The following ADAMTSL1 variants were observed in gnomAD, a reference collection of about 807,000 sequenced individuals.
The protein encoded by ADAMTSL1 is ADAMTS-like protein 1.
ADAMTSL1 carries 126 observed loss-of-function variants against 201.8 expected under a neutral mutation model. That is an observed-to-expected ratio of 0.62 (90% confidence interval 0.54 to 0.72). The LOEUF (loss-of-function observed/expected upper bound fraction) is 0.72, where lower values mean the gene tolerates loss of function less well. Ranked by LOEUF, ADAMTSL1 falls within the 30% of genes least tolerant of loss-of-function variation. The probability of loss-of-function intolerance (pLI) is 0.00; values close to 1 mark genes in which losing one functional copy is unlikely to be tolerated. For missense variants in ADAMTSL1, 2,679 were observed against 2,277.8 expected, an observed-to-expected ratio of 1.18 and a Z score of -3.59; for synonymous variants, 1,121 against 903.4, an observed-to-expected ratio of 1.24 and a Z score of -4.32.
chr9:18,835,807 T>C (rs1223303113), intron 23 of ADAMTSL1, among the ~76,000 whole-genome samples: 1 of 152,144 alleles, frequency 6.6e-6, no homozygotes, highest in Non-Finnish European at 1.5e-5. Context: ...GGCCTCCAGC[T>C]GCATCCATGT....
chr9:18,341,266 A>G (rs1279564049), intron 2 of ADAMTSL1, among the ~76,000 whole-genome samples: 1 of 152,084 alleles, frequency 6.6e-6, no homozygotes, highest in East Asian at 1.9e-4. Context: ...TCTCTGGTCC[A>G]GTCTTAATGA....
intron 2 of ADAMTSL1, among the ~76,000 whole-genome samples, chr9:18,345,805 G>A (rs1027269389): frequency 6.6e-6 from 1 of 152,026 alleles, no homozygotes; most frequent in Non-Finnish European, 1.5e-5. Context: ...CATGCCATTG[G>A]CACAACACAG....
At chr9:18,211,633 A>G (rs966822195) in intron 2 of ADAMTSL1, among the ~76,000 whole-genome samples, 2 of 152,130 alleles carry the variant, frequency 1.3e-5, no homozygotes, top group Non-Finnish European at 2.9e-5. Context: ...TCAATATCCA[A>G]TGTGCCTTCA....
chr9:18,666,653 T>G lies in ADAMTSL1; in HGVS notation c.1085+4580T>G, dbSNP rs182540879. ...TTCTGTCTTACGCCAATGGAAATAT[T>G]TTTGGAATTTGTGCAATGATGTGTG... On this transcript the variant is annotated intron_variant, in intron 9 of 28. Coordinates refer to ENST00000380548, the MANE Select transcript of ADAMTSL1 (RefSeq NM_001040272.6). Among the ~76,000 whole-genome samples, 550 of 152,262 alleles carry G rather than the reference T, an allele frequency of 3.6e-3. 5 individuals are homozygous for G. The highest frequency in any genetic ancestry group is 4.9e-3 in the Non-Finnish European group (332 of 68,018).
intron 1 of ADAMTSL1, among the ~76,000 whole-genome samples, chr9:17,922,515 G>A (rs916433227): frequency 6.6e-6 from 1 of 151,976 alleles, no homozygotes; most frequent in African/African-American, 2.4e-5. Context: ...GTTTATTACC[G>A]GTACCCCCTC....
At chr9:18,085,316 C>G (rs1244634759) in intron 1 of ADAMTSL1, among the ~76,000 whole-genome samples, 1 of 152,070 alleles carries the variant, frequency 6.6e-6, no homozygotes, top group African/African-American at 2.4e-5. Flanking sequence ...CTTAACCTTA[C>G]TGGGCCTCTG....
intron 1 of ADAMTSL1, among the ~76,000 whole-genome samples, chr9:17,977,071 A>G (rs1818481996): frequency 6.6e-6 from 1 of 151,962 alleles, no homozygotes; most frequent in South Asian, 2.1e-4. Flanking sequence ...CCTTTTCTTT[A>G]TTGAATAATC....
At chr9:18,691,198 C>T (rs1279545155) in intron 13 of ADAMTSL1, among the ~76,000 whole-genome samples, 1 of 152,162 alleles carries the variant, frequency 6.6e-6, no homozygotes, top group Non-Finnish European at 1.5e-5. Flanking sequence ...AAATTCTCTA[C>T]TAGCATATAT....
In ADAMTSL1 at chr9:18,909,611, G is replaced by T. The variant is rs1337952300; in HGVS notation, c.*1063G>T. ...GCTCCACCGAAGGGCCAGGGACTAT[G>T]GTTAACTTATCAACATCAACCCATT... is the stretch of plus-strand genomic sequence containing the variant. On this transcript the variant is annotated 3_prime_UTR_variant, in exon 29 of 29. Transcript: ENST00000380548. 1 of 151,882 alleles carries T rather than the reference G, an allele frequency of 6.6e-6. No homozygotes were observed. The allele number at this position is 151,882 out of a possible 1,614,324, so 9.4% of individuals were successfully genotyped here.
In ADAMTSL1 at chr9:18,266,960, C is replaced by G. The variant is rs1384093755; in HGVS notation, c.207+102979C>G. ...TGTTTCTAACCTCTTCAGTTTCTCACCTGAAGACGACGTACACAGCAGGAA... is the reference window on the plus strand; with the variant it reads ...TGTTTCTAACCTCTTCAGTTTCTCAGCTGAAGACGACGTACACAGCAGGAA... On this transcript the variant is annotated intron_variant, in intron 2 of 29. Coordinates refer to the ADAMTSL1 transcript ENST00000680146. Among the ~76,000 whole-genome samples, 3 of 152,088 alleles carry G rather than the reference C, an allele frequency of 2.0e-5. No individual in the cohort carries two copies. The East Asian group carries it at 5.8e-4, about 29-fold the overall frequency.
chr9:18,722,885 C>T (rs1833482562), intron 15 of ADAMTSL1: 1 of 688,486 alleles, frequency 1.5e-6, no homozygotes, highest in African/African-American at 1.8e-5. Context: ...CCTGAGTAAC[C>T]TCGTTTTCTA....
intron 20 of ADAMTSL1, among the ~76,000 whole-genome samples, chr9:18,812,886 A>C (rs1162332501): frequency 6.6e-6 from 1 of 150,698 alleles, no homozygotes; most frequent in Non-Finnish European, 1.5e-5. Flanking sequence ...GTCTATTTTT[A>C]TGGCAATACC....
chr9:18,726,503 C>A (rs1201600492), intron 15 of ADAMTSL1, among the ~76,000 whole-genome samples: 1 of 150,046 alleles, frequency 6.7e-6, no homozygotes, highest in African/African-American at 2.5e-5. Context: ...AGAGTGAGAC[C>A]CTGTCTCCAA....
chr9:18,298,971 C>T (rs1443701586), intron 2 of ADAMTSL1, among the ~76,000 whole-genome samples: 2 of 149,732 alleles, frequency 1.3e-5, no homozygotes, highest in African/African-American at 2.5e-5. Context: ...GAGATGGCGC[C>T]ACTGCACTCC....
At position 18,344,813 on chromosome 9, in the gene ADAMTSL1, C is replaced by T. The variant is rs1835628048; in HGVS notation, c.208-160016C>T. Among the ~76,000 whole-genome samples, 3 of 152,136 alleles carry T rather than the reference C, an allele frequency of 2.0e-5. No individual in the cohort carries two copies. The South Asian group carries it at 6.2e-4, about 32-fold the overall frequency. On this transcript the variant is annotated intron_variant, in intron 2 of 29. Coordinates refer to the ADAMTSL1 transcript ENST00000680146. ...GCGCCAAGTCTAAACACACCACATG[C>T]TTGAAAACTAACATTCAAGACTTGA...
chr9:18,122,520 A>T (rs1350851014), intron 1 of ADAMTSL1, among the ~76,000 whole-genome samples: 1 of 152,128 alleles, frequency 6.6e-6, no homozygotes, highest in Admixed American at 6.6e-5. Context: ...GCTGTTTATC[A>T]TTTTCATAGA....
chr9:18,427,510 T>C (rs1013304371), intron 2 of ADAMTSL1, among the ~76,000 whole-genome samples: 3 of 152,250 alleles, frequency 2.0e-5, no homozygotes, highest in Non-Finnish European at 2.9e-5. Context: ...AAAGCAACAA[T>C]GGCAAAAGGA....
intron 2 of ADAMTSL1, among the ~76,000 whole-genome samples, chr9:18,346,801 T>A (rs1305371444): frequency 6.6e-6 from 1 of 152,152 alleles, no homozygotes; most frequent in Non-Finnish European, 1.5e-5. Flanking sequence ...TTCCTTACAG[T>A]GTTTTTAACT....
At chr9:18,680,558 C>A in intron 11 of ADAMTSL1, 42 bp downstream of exon 11, 1 of 1,600,612 alleles carries the variant, frequency 6.2e-7, no homozygotes, top group Non-Finnish European at 8.6e-7. Context: ...AGAGTAAGTC[C>A]ACTCTTCCCT....
Sources: gnomAD v4.1 joint callset for allele counts (sites outside exome capture counted in the v4.1 genomes callset) on GRCh38, gnomAD v4.1.1 for gene constraint, MANE v1.5 for transcripts, NCBI Gene and HGNC (gene_info 2026-07-23, HGNC 2026-07-21) for gene names.